TCF20: variants seen among roughly 807,000 people sequenced by gnomAD.
TCF20 encodes transcription factor 20.
Under a neutral mutation model 148.6 loss-of-function variants are expected in TCF20, and 3 were observed. The observed-to-expected ratio is 0.02, with a 90% CI of 0.01 to 0.05. TCF20 has a LOEUF of 0.05. Among genes scored for constraint, TCF20 ranks in the 10% least tolerant of loss-of-function variants. The pLI is 1.00. For synonymous variants in TCF20, 1,049 were observed against 909.5 expected (o/e 1.15, Z -2.76); for missense variants, 2,350 against 2,429.3 (o/e 0.97, Z 0.69).
intron 1 of TCF20, among the ~76,000 whole-genome samples, chr22:42,247,800 C>T (rs903709310): frequency 1.3e-5 from 2 of 150,090 alleles, no homozygotes; most frequent in African/African-American, 5.1e-5. Flanking sequence ...CACTACCAAT[C>T]TCTACTTCCA....
intron 1 of TCF20, among the ~76,000 whole-genome samples, chr22:42,255,488 A>AAAAAAC (rs1414851810): frequency 0.058 from 1,713 of 29,294 alleles, 149 homozygotes; most frequent in East Asian, 0.43. Flanking sequence ...ACTTCATCTC[A>AAAAAAC]AACAACAACA....
chr22:42,255,581 G>A (rs951747410), intron 1 of TCF20, among the ~76,000 whole-genome samples: 3 of 152,038 alleles, frequency 2.0e-5, no homozygotes, highest in Non-Finnish European at 2.9e-5. Context: ...TATGCTTGCC[G>A]ACCTGTTTTG....
At chr22:42,253,785 G>C (rs886847903) in intron 1 of TCF20, among the ~76,000 whole-genome samples, 2 of 152,092 alleles carry the variant, frequency 1.3e-5, no homozygotes, top group Non-Finnish European at 2.9e-5. Context: ...AGAGAAAAAA[G>C]TAACTGAAGA....
chr22:42,253,860 T>C (rs1210691468), intron 1 of TCF20, among the ~76,000 whole-genome samples: 1 of 152,146 alleles, frequency 6.6e-6, no homozygotes, highest in Non-Finnish European at 1.5e-5. Flanking sequence ...GAGAATCACC[T>C]GAGGTCAGGA....
intron 1 of TCF20, among the ~76,000 whole-genome samples, chr22:42,234,311 C>T (rs560689101): frequency 7.4e-4 from 113 of 152,292 alleles, no homozygotes; most frequent in Non-Finnish European, 1.4e-3. Context: ...TTTTACTGGA[C>T]GTACCAACAC....
At chr22:42,261,474 A>T in intron 1 of TCF20, among the ~76,000 whole-genome samples, 1 of 151,276 alleles carries the variant, frequency 6.6e-6, no homozygotes, top group Non-Finnish European at 1.5e-5. Flanking sequence ...CCTGACTCCT[A>T]CGTGTTTTGC....
At position 42,214,945 on chromosome 22, in the gene TCF20, G is replaced by T; in HGVS notation, c.361C>A (p.Pro121Thr). 1 of 1,614,232 alleles carries T rather than the reference G, an allele frequency of 6.2e-7. No homozygotes were observed. The highest frequency in any genetic ancestry group is 8.5e-7 in the Non-Finnish European group (1 of 1,180,046). ...PSGPVQSYGP[P>T]QGSSFGNQYG... The stretch of plus-strand genomic sequence containing the variant: ...TGATTGCCAAAGCTGCTCCCCTGGG[G>T]GGGTCCATAGCTCTGCACAGGCCCA... The change falls in exon 2 of 6, where the codon CCC (proline) becomes ACC (threonine). Residue 121 changes from proline to threonine, a missense_variant. Physicochemically the swap from Pro to Thr is conservative, Grantham distance 38 (BLOSUM62 -1). This residue lies in a region of TCF20 where 1,641 missense variants were observed against 1,662.6 expected (regional missense o/e 0.99). Coordinates refer to ENST00000677622, the MANE Select transcript of TCF20 (RefSeq NM_001378418.1).
chr22:42,252,876 T>C lies in TCF20; in HGVS notation c.-37+17463A>G, dbSNP rs1009412012. Among the ~76,000 whole-genome samples, 5 of 152,156 alleles carry C rather than the reference T, an allele frequency of 3.3e-5. No individual in the cohort carries two copies. In the East Asian group the frequency reaches 5.8e-4, roughly 18 times the overall value. Reference sequence around the variant, plus strand: ...TATTTTCATACAACCATTTTAACTCTAGAATAAAAATACTGTTATAGTGAG... The same window carrying C: ...TATTTTCATACAACCATTTTAACTCCAGAATAAAAATACTGTTATAGTGAG... On this transcript the variant is annotated intron_variant, in intron 1 of 5. Transcript: ENST00000677622.
intron 3 of TCF20, among the ~76,000 whole-genome samples, chr22:42,173,243 T>TAAA (rs1555910598): frequency 6.6e-5 from 9 of 137,372 alleles, no homozygotes; most frequent in African/African-American, 2.1e-4. Flanking sequence ...ATACATTAAT[T>TAAA]AAAAAAAAAA....
chr22:42,214,745 A>G lies in TCF20; in HGVS notation c.561T>C (p.Leu187=). ...QQQVQQLRQQ[L]YQSHQPLPQA... ...GTGGCAGGGGCTGATGGGACTGGTAAAGCTGTTGTCTCAACTGCTGGACTT... is the reference window on the plus strand; with the variant it reads ...GTGGCAGGGGCTGATGGGACTGGTAGAGCTGTTGTCTCAACTGCTGGACTT... Residue 187 remains leucine (L), a synonymous_variant, in exon 2 of 6, where the codon CTT becomes CTC. Transcript: ENST00000677622. The G allele has an allele frequency of 6.2e-7, 1 of 1,613,954 alleles. No homozygotes were observed. Among genetic ancestry groups the G allele is most frequent in the Non-Finnish European group, 8.5e-7 (1 of 1,179,988 alleles).
intron 1 of TCF20, among the ~76,000 whole-genome samples, chr22:42,328,452 G>A (rs1204845565): frequency 6.6e-6 from 1 of 152,168 alleles, no homozygotes. Flanking sequence ...GTCCCACAAG[G>A]CTCAAGCACA....
At chr22:42,253,963 C>G (rs967918355) in intron 1 of TCF20, among the ~76,000 whole-genome samples, 2 of 151,372 alleles carry the variant, frequency 1.3e-5, no homozygotes, top group African/African-American at 4.9e-5. Context: ...GTAATCTCAG[C>G]TACTTGGGAG....
chr22:42,241,917 GAAAA>G (rs372473157), intron 1 of TCF20, among the ~76,000 whole-genome samples: 1 of 151,232 alleles, frequency 6.6e-6, no homozygotes, highest in Non-Finnish European at 1.5e-5. Context: ...AAATAGAAAA[GAAAA>G]AAAACACTTG....
At chr22:42,209,600 G>T in intron 2 of TCF20, 51 bp downstream of exon 2, 1 of 1,529,788 alleles carries the variant, frequency 6.5e-7, no homozygotes, top group South Asian at 1.3e-5. Flanking sequence ...GCAAGAAAAG[G>T]AACCAAATGA....
chr22:42,232,417 G>A (rs983464520), intron 1 of TCF20, among the ~76,000 whole-genome samples: 4 of 151,908 alleles, frequency 2.6e-5, no homozygotes, highest in African/African-American at 9.7e-5. Context: ...AAAAAACAAC[G>A]TACCACCAGC....
chr22:42,334,588 C>G (rs1010972800), intron 1 of TCF20, among the ~76,000 whole-genome samples: 6 of 152,270 alleles, frequency 3.9e-5, no homozygotes, highest in African/African-American at 1.4e-4. Flanking sequence ...AACAACCGCT[C>G]CAGCCCTTAC....
intron 1 of TCF20, among the ~76,000 whole-genome samples, chr22:42,339,343 C>G (rs1453512494): frequency 6.6e-6 from 1 of 152,222 alleles, no homozygotes; most frequent in African/African-American, 2.4e-5. Flanking sequence ...AGAGCCAGGA[C>G]TCAGGGCTGG....
chr22:42,237,640 G>A (rs1472004538), intron 1 of TCF20, among the ~76,000 whole-genome samples: 2 of 152,178 alleles, frequency 1.3e-5, no homozygotes, highest in African/African-American at 4.8e-5. Context: ...AGAGCCTTAT[G>A]AAACATATTT....
chr22:42,220,363 T>G (rs1922244578), intron 1 of TCF20, among the ~76,000 whole-genome samples: 1 of 152,148 alleles, frequency 6.6e-6, no homozygotes, highest in South Asian at 2.1e-4. Context: ...TGGCTAATTT[T>G]TATAATTTCT....
Sources: gnomAD v4.1 joint callset for allele counts (sites outside exome capture counted in the v4.1 genomes callset) on GRCh38, gnomAD v4.1.1 for gene constraint, gnomAD v4.1.1 regional missense constraint, MANE v1.5 for transcripts, NCBI Gene and HGNC (gene_info 2026-07-23, HGNC 2026-07-21) for gene names.